KIF4B: variants seen among roughly 807,000 people sequenced by gnomAD.
KIF4B encodes the protein kinesin family member 4B.
A neutral mutation model predicts 69.0 loss-of-function variants in KIF4B; 60 were observed. The ratio of observed to expected loss-of-function variants is 0.87; its 90% CI spans 0.71 to 1.08. KIF4B has a LOEUF of 1.08. Among genes scored for constraint, KIF4B ranks in the 50% least tolerant of loss-of-function variants. The probability of loss-of-function intolerance (pLI) is 0.00; values close to 1 mark genes in which losing one functional copy is unlikely to be tolerated. For missense variants in KIF4B, 1,357 were observed against 1,451.9 expected (o/e 0.93, Z 1.06); for synonymous variants, 489 against 533.0 (o/e 0.92, Z 1.14).
rs1765303724 is a variant in KIF4B at position 155,015,241 on chromosome 5, A to C, written c.1382A>C (p.Glu461Ala). 6.2e-7 allele frequency: 1 copy of C among 1,614,134 alleles called. No homozygotes were observed. The highest frequency in any genetic ancestry group is 1.3e-5 in the African/African-American group (1 of 74,946). ...ACTTTGGAAGACCAGGAATTGAAAG[A>C]AAATGTAGAGATAATTTGTAACCTG... ...VETLEDQELKENVEIICNLQQ... is the reference protein window; with the variant it reads ...VETLEDQELKANVEIICNLQQ... Residue 461 changes from glutamate (E) to alanine (A), a missense_variant, in exon 1 of 1, where the codon GAA (glutamate) becomes GCA (alanine). By Grantham distance (107) the Glu-to-Ala change is moderately radical (BLOSUM62 -1). Coordinates refer to ENST00000435029, the MANE Select transcript of KIF4B (RefSeq NM_001099293.3).
chr5:155,017,402 G>A lies in KIF4B; in HGVS notation c.3543G>A (p.Lys1181=). ...GTGACATGGAGCAGGTGCTGTCAAAGAAGACTGCTCCAGCTCCCTCCCCTT... is the reference window on the plus strand; with the variant it reads ...GTGACATGGAGCAGGTGCTGTCAAAAAAGACTGCTCCAGCTCCCTCCCCTT... ...EMCDMEQVLS[K]KTAPAPSPFD... is the part of the protein sequence containing the mutation. Residue 1181 remains lysine, a synonymous_variant, in exon 1 of 1, where the codon AAG becomes AAA. Transcript: ENST00000435029. The A allele has an allele frequency of 6.2e-7, 1 of 1,614,180 alleles. No homozygotes were observed.
chr5:155,017,297 T>C lies in KIF4B; in HGVS notation c.3438T>C (p.Asp1146=). ...CCGAAGGCTCCTTCAAACTGGAGGA[T>C]CCTACCGAGGTGACCCCAGGATTGA... ...QDSEGSFKLE[D]PTEVTPGLSF... Residue 1146 remains aspartate, a synonymous_variant, in exon 1 of 1, where the codon GAT becomes GAC. Coordinates refer to ENST00000435029, the MANE Select transcript of KIF4B (RefSeq NM_001099293.3). 1 of 1,614,158 alleles carries C rather than the reference T, an allele frequency of 6.2e-7. No individual in the cohort carries two copies. The highest frequency in any genetic ancestry group is 8.5e-7 in the Non-Finnish European group (1 of 1,180,026).
Position 155,014,102 on chromosome 5 carries a change from T to A in KIF4B, c.243T>A (p.Asn81Lys). The A allele has an allele frequency of 6.2e-7, 1 of 1,614,216 alleles. No individual in the cohort carries two copies. The highest frequency in any genetic ancestry group is 1.7e-5 in the Admixed American group (1 of 60,028). Residue 81 changes from asparagine (N) to lysine (K), a missense_variant, in exon 1 of 1, where the codon AAT (asparagine) becomes AAA (lysine). By Grantham distance (94) the Asn-to-Lys change is moderately conservative. Transcript: ENST00000435029. The stretch of plus-strand genomic sequence containing the variant: ...TAAAAGGCATATTTAAAGGATATAA[T>A]GCAACGGTCCTGGCCTATGGGCAGA... ...PLIKGIFKGY[N>K]ATVLAYGQTG...
In KIF4B at chr5:155,015,438, G is replaced by T; in HGVS notation, c.1579G>T (p.Val527Phe). 1 of 1,614,202 alleles carries T rather than the reference G, an allele frequency of 6.2e-7. No individual in the cohort carries two copies. The highest frequency in any genetic ancestry group is 8.5e-7 in the Non-Finnish European group (1 of 1,180,054). Reference protein sequence around the residue: ...LHQAQMSKEVVELNNALALKE... With the variant: ...LHQAQMSKEVFELNNALALKE... ...TCAAGCTCAGATGTCTAAGGAGGTG[G>T]TTGAGTTGAATAACGCCCTTGCACT... Residue 527 changes from valine (V) to phenylalanine (F), a missense_variant, in exon 1 of 1, where the codon GTT (valine) becomes TTT (phenylalanine). Physicochemically the swap from Val to Phe is conservative, Grantham distance 50 (BLOSUM62 -1). Coordinates refer to ENST00000435029, the MANE Select transcript of KIF4B (RefSeq NM_001099293.3).
rs1765287708 is a variant in KIF4B, at chr5:155,014,422, T to C, written c.563T>C (p.Val188Ala). The C allele has an allele frequency of 4.3e-6, 7 of 1,614,186 alleles. No homozygotes were observed. Among genetic ancestry groups the C allele is most frequent in the Non-Finnish European group, 5.9e-6 (7 of 1,180,032 alleles). ...ACTGTTTTAGTTGCCTTGGATACTG[T>C]TTCCTGTTTGGAGCAGGGCAACAAC... ...EKTVLVALDT[V>A]SCLEQGNNSR... is the part of the protein sequence containing the mutation. The change falls in exon 1 of 1, where the codon GTT becomes GCT. Residue 188 changes from valine (V) to alanine (A), a missense_variant. Val to Ala is a moderately conservative substitution (Grantham distance 64). Transcript: ENST00000435029.
chr5:155,017,159 G>A lies in KIF4B; in HGVS notation c.3300G>A (p.Gly1100=), dbSNP rs767691686. The A allele has an allele frequency of 8.7e-6, 14 of 1,614,198 alleles. No homozygotes were observed. In the Middle Eastern group the frequency reaches 4.9e-4, roughly 57 times the overall value. ...GCTGGTGTGGGAACAAGCAGTGTGG[G>A]TGCAGGAAGCAAAAGTCAGACTGTG... The part of the protein sequence containing the change: ...CKGWCGNKQC[G]CRKQKSDCGV... Residue 1100 remains glycine, a synonymous_variant, in exon 1 of 1, where the codon GGG becomes GGA. Transcript: ENST00000435029.
chr5:155,014,082 G>C lies in KIF4B; in HGVS notation c.223G>C (p.Gly75Arg). 1 of 1,614,198 alleles carries C rather than the reference G, an allele frequency of 6.2e-7. No homozygotes were observed. Among genetic ancestry groups the C allele is most frequent in the Non-Finnish European group, 8.5e-7 (1 of 1,180,036 alleles). Residue 75 changes from glycine to arginine, a missense_variant, in exon 1 of 1, where the codon GGC becomes CGC. Physicochemically the swap from Gly to Arg is moderately radical, Grantham distance 125. Transcript: ENST00000435029. ...FNKAVAPLIKGIFKGYNATVL... is the reference protein window; with the variant it reads ...FNKAVAPLIKRIFKGYNATVL... ...TAAAGCAGTAGCGCCGCTCATAAAA[G>C]GCATATTTAAAGGATATAATGCAAC...
rs761624707 is a variant in KIF4B at position 155,015,329 on chromosome 5, T to G, written c.1470T>G (p.Thr490=). The change falls in exon 1 of 1, where the codon ACT becomes ACG. Residue 490 remains threonine, a synonymous_variant. Transcript: ENST00000435029. Reference sequence around the variant, plus strand: ...CTTGCACGGCTGCAGCCATTGATACTGCGGTAGAAGAAGAAGCTCAAGTGG... The same window carrying G: ...CTTGCACGGCTGCAGCCATTGATACGGCGGTAGAAGAAGAAGCTCAAGTGG... ...TVACTAAAID[T]AVEEEAQVET... is the part of the protein sequence containing the mutation. The G allele has an allele frequency of 6.2e-7, 1 of 1,614,194 alleles. No homozygotes were observed. Among genetic ancestry groups the G allele is most frequent in the East Asian group, 2.2e-5 (1 of 44,880 alleles).
rs1038718337 is a variant in KIF4B at position 155,014,225 on chromosome 5, C to T, written c.366C>T (p.Leu122=). 3.7e-6 allele frequency: 6 copies of T among 1,614,084 alleles called. No individual in the cohort carries two copies. Among genetic ancestry groups the T allele is most frequent in the Non-Finnish European group, 5.1e-6 (6 of 1,180,048 alleles). ...TTATTCCTAGGGTAATACAACTGCT[C>T]TTCAAAGAAATTGATAAAAAGAGTG... The part of the protein sequence containing the change: ...VGIIPRVIQL[L]FKEIDKKSDF... The change falls in exon 1 of 1, where the codon CTC becomes CTT. Residue 122 remains leucine, a synonymous_variant. Transcript: ENST00000435029.
chr5:155,016,454 T>A lies in KIF4B; in HGVS notation c.2595T>A (p.Cys865Ter), dbSNP rs752085184. ...ENIATILEAK[C>*]ALKYLIGELV... Reference sequence around the variant, plus strand: ...TTGCCACCATTCTGGAAGCCAAGTGTGCCCTGAAATATTTGATTGGAGAGC... The same window carrying A: ...TTGCCACCATTCTGGAAGCCAAGTGAGCCCTGAAATATTTGATTGGAGAGC... Residue 865 changes from cysteine to a stop codon, truncating the protein, a stop_gained, in exon 1 of 1, where the codon TGT becomes TGA. Transcript: ENST00000435029. LOFTEE classifies it high-confidence loss of function. 6.2e-7 allele frequency: 1 copy of A among 1,614,214 alleles called. No homozygotes were observed. The highest frequency in any genetic ancestry group is 1.7e-5 in the Admixed American group (1 of 60,028).
Position 155,016,726 on chromosome 5 carries a change from A to T in KIF4B, c.2867A>T (p.Glu956Val), listed in dbSNP as rs190616797. ...KQLEKSASEKEQQLVSTLQCQ... is the reference protein window; with the variant it reads ...KQLEKSASEKVQQLVSTLQCQ... ...TTAGAGAAATCAGCCAGTGAAAAGG[A>T]ACAACAGCTGGTGAGCACACTGCAG... Residue 956 changes from glutamate to valine, a missense_variant, in exon 1 of 1, where the codon GAA becomes GTA. Glu to Val is a moderately radical substitution (Grantham distance 121). Coordinates refer to ENST00000435029, the MANE Select transcript of KIF4B (RefSeq NM_001099293.3). 119 of 1,614,200 alleles carry T rather than the reference A, an allele frequency of 7.4e-5. No homozygotes were observed. In the East Asian group the frequency reaches 2.6e-3, roughly 35 times the overall value.
rs770338368 is a variant in KIF4B, at chr5:155,015,792, A to C, written c.1933A>C (p.Asn645His). The change falls in exon 1 of 1, where the codon AAC (asparagine) becomes CAC (histidine). Residue 645 changes from asparagine to histidine, a missense_variant. Transcript: ENST00000435029. ...GAACCAAGAGATATGGATGATGAAA[A>C]ACCAGCGGGTACAGTTAATGCGTCA... ...KLNQEIWMMKNQRVQLMRQMK... is the reference protein window; with the variant it reads ...KLNQEIWMMKHQRVQLMRQMK... 6.2e-6 allele frequency: 10 copies of C among 1,614,220 alleles called. No individual in the cohort carries two copies. The highest frequency in any genetic ancestry group is 6.8e-6 in the Non-Finnish European group (8 of 1,180,044).
rs1397301289 is a variant in KIF4B at position 155,017,304 on chromosome 5, GA to G, written c.3446del (p.Glu1149GlyfsTer2). On this transcript the variant is annotated frameshift_variant, in exon 1 of 1. Transcript: ENST00000435029. LOFTEE classifies it high-confidence loss of function. ...EGSFKLEDPT[E>X]VTPGLSFFNP... Reference sequence around the variant, plus strand: ...CTCCTTCAAACTGGAGGATCCTACCGAGGTGACCCCAGGATTGAGCTTCTTT... The same window carrying G: ...CTCCTTCAAACTGGAGGATCCTACCGGGTGACCCCAGGATTGAGCTTCTTT... 4.3e-6 allele frequency: 7 copies of G among 1,614,050 alleles called. No homozygotes were observed. Among genetic ancestry groups the G allele is most frequent in the Non-Finnish European group, 5.1e-6 (6 of 1,180,042 alleles).
rs201982435 is a variant in KIF4B at position 155,016,810 on chromosome 5, T to C, written c.2951T>C (p.Leu984Pro). The C allele has an allele frequency of 8.1e-6, 13 of 1,614,118 alleles. No homozygotes were observed. The highest frequency in any genetic ancestry group is 1.7e-5 in the Admixed American group (1 of 60,016). The change falls in exon 1 of 1, where the codon CTC becomes CCC. Residue 984 changes from leucine to proline, a missense_variant. Leu to Pro is a moderately conservative substitution (Grantham distance 98, BLOSUM62 -3). Coordinates refer to ENST00000435029, the MANE Select transcript of KIF4B (RefSeq NM_001099293.3). Reference protein sequence around the residue: ...REVCEQNQQLLQENEIIKQKL... With the variant: ...REVCEQNQQLPQENEIIKQKL... ...GTGTGTGAGCAAAATCAGCAGCTTC[T>C]CCAAGAGAATGAAATCATCAAGCAG...
At position 155,017,281 on chromosome 5, in the gene KIF4B, C is replaced by T. The variant is rs1765347833; in HGVS notation, c.3422C>T (p.Ser1141Phe). 1 of 1,614,140 alleles carries T rather than the reference C, an allele frequency of 6.2e-7. No individual in the cohort carries two copies. Among genetic ancestry groups the T allele is most frequent in the Non-Finnish European group, 8.5e-7 (1 of 1,180,032 alleles). Residue 1141 changes from serine to phenylalanine, a missense_variant, in exon 1 of 1, where the codon TCC becomes TTC. Coordinates refer to ENST00000435029, the MANE Select transcript of KIF4B (RefSeq NM_001099293.3). Reference sequence around the variant, plus strand: ...GAACAGACCCAGGATTCCGAAGGCTCCTTCAAACTGGAGGATCCTACCGAG... The same window carrying T: ...GAACAGACCCAGGATTCCGAAGGCTTCTTCAAACTGGAGGATCCTACCGAG... ...TVEQTQDSEG[S>F]FKLEDPTEVT... is the part of the protein sequence containing the mutation.
In KIF4B at chr5:155,017,788, C is replaced by A; in HGVS notation, c.*224C>A. On this transcript the variant is annotated 3_prime_UTR_variant, in exon 1 of 1. Coordinates refer to ENST00000435029, the MANE Select transcript of KIF4B (RefSeq NM_001099293.3). The stretch of plus-strand genomic sequence containing the variant: ...CTCTAGAAGGCTGCTAAACCACCTG[C>A]TGAAGAGAGAACCAACAGACTTTCC... 1.4e-6 allele frequency: 1 copy of A among 731,382 alleles called. No individual in the cohort carries two copies. The highest frequency in any genetic ancestry group is 2.2e-6 in the Non-Finnish European group (1 of 460,226). The allele number at this position is 731,382 out of a possible 1,614,324, so 45.3% of individuals were successfully genotyped here.
At position 155,017,314 on chromosome 5, in the gene KIF4B, C is replaced by A. The variant is rs755664888; in HGVS notation, c.3455C>A (p.Pro1152Gln). The A allele has an allele frequency of 5.0e-5, 80 of 1,614,036 alleles. No homozygotes were observed. The highest frequency in any genetic ancestry group is 6.6e-5 in the Non-Finnish European group (78 of 1,180,036). Residue 1152 changes from proline to glutamine, a missense_variant, in exon 1 of 1, where the codon CCA (proline) becomes CAA (glutamine). Pro to Gln is a moderately conservative substitution (Grantham distance 76, BLOSUM62 -1). Transcript: ENST00000435029. ...FKLEDPTEVT[P>Q]GLSFFNPVCA... Reference sequence around the variant, plus strand: ...CTGGAGGATCCTACCGAGGTGACCCCAGGATTGAGCTTCTTTAACCCTGTC... The same window carrying A: ...CTGGAGGATCCTACCGAGGTGACCCAAGGATTGAGCTTCTTTAACCCTGTC...
rs757488838 is a variant in KIF4B at position 155,016,692 on chromosome 5, G to T, written c.2833G>T (p.Glu945Ter). The T allele has an allele frequency of 6.2e-7, 1 of 1,614,218 alleles. No individual in the cohort carries two copies. The highest frequency in any genetic ancestry group is 1.1e-5 in the South Asian group (1 of 91,082). ...VSQLQESQMA[E>*]KQLEKSASEK... ...CCAGCTGCAGGAAAGCCAAATGGCA[G>T]AGAAGCAGTTAGAGAAATCAGCCAG... Residue 945 changes from glutamate (E) to a stop codon, truncating the protein, a stop_gained, in exon 1 of 1, where the codon GAG becomes TAG. Coordinates refer to ENST00000435029, the MANE Select transcript of KIF4B (RefSeq NM_001099293.3). LOFTEE classifies it low-confidence loss of function (END_TRUNC).
rs750919542 is a variant in KIF4B at position 155,017,425 on chromosome 5, C to T, written c.3566C>T (p.Pro1189Leu). 4.4e-5 allele frequency: 71 copies of T among 1,614,046 alleles called. No individual in the cohort carries two copies. The East Asian group carries it at 1.6e-3, about 35-fold the overall frequency. ...LSKKTAPAPS[P>L]FDLPESKHGA... is the part of the protein sequence containing the mutation. ...AAGAAGACTGCTCCAGCTCCCTCCC[C>T]TTTTGACCTCCCAGAGTCGAAACAT... Residue 1189 changes from proline (P) to leucine (L), a missense_variant, in exon 1 of 1, where the codon CCT (proline) becomes CTT (leucine). Physicochemically the swap from Pro to Leu is moderately conservative, Grantham distance 98 (BLOSUM62 -3). Coordinates refer to ENST00000435029, the MANE Select transcript of KIF4B (RefSeq NM_001099293.3).
Sources: allele counts gnomAD v4.1 joint callset, GRCh38; gene constraint gnomAD v4.1.1; transcripts MANE v1.5; gene names NCBI Gene and HGNC (gene_info 2026-07-23, HGNC 2026-07-21).